WWOX: variants seen among roughly 807,000 people sequenced by gnomAD.
WWOX encodes WW domain containing oxidoreductase.
A neutral mutation model predicts 46.2 loss-of-function variants in WWOX; 69 were observed. The observed-to-expected ratio is 1.49, with a 90% CI of 1.23 to 1.82. The LOEUF (loss-of-function observed/expected upper bound fraction) is 1.82, where lower values mean the gene tolerates loss of function less well. Among genes scored for constraint, WWOX ranks in the 40% most tolerant of loss-of-function variants. The pLI, the probability that WWOX is intolerant of heterozygous loss-of-function variation, is 0.00. For synonymous variants in WWOX, 359 were observed against 202.6 expected (o/e 1.77, Z -6.56); for missense variants, 919 against 542.6 (o/e 1.69, Z -6.89).
chr16:78,850,197 TA>T (rs1164981628), intron 8 of WWOX, among the ~76,000 whole-genome samples: 1 of 151,782 alleles, frequency 6.6e-6, no homozygotes, highest in Non-Finnish European at 1.5e-5. Flanking sequence ...GAGAAAACAA[TA>T]AAAAAATAGA....
At chr16:78,916,925 C>G (rs1445213331) in intron 8 of WWOX, among the ~76,000 whole-genome samples, 1 of 152,076 alleles carries the variant, frequency 6.6e-6, no homozygotes, top group South Asian at 2.1e-4. Flanking sequence ...TCAGGTAAAG[C>G]TTGACCCAGG....
intron 8 of WWOX, among the ~76,000 whole-genome samples, chr16:78,765,035 G>T (rs996219985): frequency 6.6e-6 from 1 of 152,310 alleles, no homozygotes; most frequent in South Asian, 2.1e-4. Flanking sequence ...CCAGATCCCT[G>T]CCCAACAGGA....
intron 8 of WWOX, among the ~76,000 whole-genome samples, chr16:78,810,646 G>A (rs998282954): frequency 6.6e-6 from 1 of 152,186 alleles, no homozygotes; most frequent in African/African-American, 2.4e-5. Context: ...TGAACAGGAC[G>A]TTTGGTTCTA....
chr16:78,614,476 G>C (rs1336323620), intron 8 of WWOX, among the ~76,000 whole-genome samples: 2 of 152,232 alleles, frequency 1.3e-5, no homozygotes, highest in African/African-American at 4.8e-5. Flanking sequence ...GGTCCTCTGG[G>C]CCAGCCCAGA....
chr16:78,499,137 C>T (rs920200243), intron 8 of WWOX, among the ~76,000 whole-genome samples: 2 of 152,036 alleles, frequency 1.3e-5, no homozygotes, highest in African/African-American at 4.8e-5. Flanking sequence ...CATGTGGGCC[C>T]TTCTCTTTCC....
chr16:79,173,000 G>A (rs1415398798), intron 8 of WWOX, among the ~76,000 whole-genome samples: 1 of 152,178 alleles, frequency 6.6e-6, no homozygotes, highest in Non-Finnish European at 1.5e-5. Flanking sequence ...CAGGCTGTGT[G>A]ACAGAGCAAG....
intron 8 of WWOX, among the ~76,000 whole-genome samples, chr16:78,908,283 T>TAA (rs1479593820): frequency 3.3e-5 from 5 of 152,082 alleles, no homozygotes; most frequent in Admixed American, 1.3e-4. Flanking sequence ...CTCATGCCTG[T>TAA]AATCCCAGCA....
At chr16:79,196,952 C>A (rs78596571) in intron 8 of WWOX, among the ~76,000 whole-genome samples, 1 of 152,138 alleles carries the variant, frequency 6.6e-6, no homozygotes, top group South Asian at 2.1e-4. Context: ...GTCTCCTCAT[C>A]TCTGAAATGG....
chr16:78,611,534 G>A (rs1807424924), intron 8 of WWOX, among the ~76,000 whole-genome samples: 1 of 152,136 alleles, frequency 6.6e-6, no homozygotes, highest in South Asian at 2.1e-4. Context: ...GGAGGTACTG[G>A]CCAGCTCTGT....
intron 8 of WWOX, among the ~76,000 whole-genome samples, chr16:78,594,255 G>A (rs972721875): frequency 1.3e-5 from 2 of 151,966 alleles, no homozygotes; most frequent in Non-Finnish European, 2.9e-5. Flanking sequence ...CAATTCATAT[G>A]GTCCTCTGCA....
chr16:78,917,661 T>C (rs1023700326), intron 8 of WWOX, among the ~76,000 whole-genome samples: 4 of 152,128 alleles, frequency 2.6e-5, no homozygotes, highest in Non-Finnish European at 4.4e-5. Context: ...TGCCATTTAA[T>C]ATCTCTTGCT....
intron 8 of WWOX, among the ~76,000 whole-genome samples, chr16:78,618,472 C>T (rs1269810785): frequency 6.6e-6 from 1 of 152,138 alleles, no homozygotes; most frequent in Non-Finnish European, 1.5e-5. Flanking sequence ...CGTTTGCATC[C>T]TTATGGCCTC....
In WWOX at chr16:78,591,728, T is replaced by G. The variant is rs544788213; in HGVS notation, c.1056+158976T>G. Among the ~76,000 whole-genome samples, 3 of 152,326 alleles carry G rather than the reference T, an allele frequency of 2.0e-5. No homozygotes were observed. In the East Asian group the frequency reaches 5.8e-4, roughly 29 times the overall value. On this transcript the variant is annotated intron_variant, in intron 8 of 8. Transcript: ENST00000566780. ...GACTGAGATAACTAAAGTACCTGATTGAGTAACTGCTCTCTGAAGGTGGAG... is the reference window on the plus strand; with the variant it reads ...GACTGAGATAACTAAAGTACCTGATGGAGTAACTGCTCTCTGAAGGTGGAG...
chr16:79,000,640 C>T (rs975363983), intron 8 of WWOX, among the ~76,000 whole-genome samples: 1 of 152,186 alleles, frequency 6.6e-6, no homozygotes, highest in Non-Finnish European at 1.5e-5. Flanking sequence ...TCCAGAAAGG[C>T]ACGAAGCCCT....
intron 5 of WWOX, among the ~76,000 whole-genome samples, chr16:78,354,941 G>T (rs2081254279): frequency 6.6e-6 from 1 of 152,050 alleles, no homozygotes; most frequent in South Asian, 2.1e-4. Context: ...CAAGACTACT[G>T]GGCAACATGG....
chr16:78,838,270 A>G (rs1351191989), intron 8 of WWOX, among the ~76,000 whole-genome samples: 1 of 152,142 alleles, frequency 6.6e-6, no homozygotes, highest in East Asian at 1.9e-4. Flanking sequence ...AGCGTCAAAA[A>G]AAGACAGGGT....
chr16:78,123,511 G>A (rs747388436), intron 4 of WWOX: 1 of 127,120 alleles, frequency 7.9e-6, no homozygotes, highest in Non-Finnish European at 1.6e-5. Flanking sequence ...AGGCTGGAGT[G>A]CAGTGGCGCA....
In WWOX at chr16:78,364,618, G is replaced by A. The variant is rs377136706; in HGVS notation, c.517-22242G>A. Among the ~76,000 whole-genome samples, 11 of 150,382 alleles carry A rather than the reference G, an allele frequency of 7.3e-5. No homozygotes were observed. The East Asian group carries it at 7.7e-4, about 11-fold the overall frequency. ...GTATAATAAAAATAAACTGTTTGTC[G>A]TGACTGCAGCTGACATTTATCAGCC... On this transcript the variant is annotated intron_variant, in intron 5 of 8. Transcript: ENST00000566780.
chr16:78,983,036 T>C (rs187309020), intron 8 of WWOX, among the ~76,000 whole-genome samples: 2 of 152,210 alleles, frequency 1.3e-5, no homozygotes, highest in Non-Finnish European at 2.9e-5. Context: ...TTTTGTGAAG[T>C]ATTTATTGTG....
Sources: gnomAD v4.1 joint callset for allele counts (sites outside exome capture counted in the v4.1 genomes callset) on GRCh38, gnomAD v4.1.1 for gene constraint, MANE v1.5 for transcripts, NCBI Gene and HGNC (gene_info 2026-07-23, HGNC 2026-07-21) for gene names.